ANK1: variants seen among roughly 807,000 people sequenced by gnomAD.
ANK1 encodes ankyrin-1.
A neutral mutation model predicts 210.4 loss-of-function variants in ANK1; 51 were observed. The observed-to-expected ratio is 0.24, with a 90% CI of 0.19 to 0.31. The LOEUF is 0.31. Among genes scored for constraint, ANK1 ranks in the 10% least tolerant of loss-of-function variants. The pLI is 1.00. For synonymous variants in ANK1, 967 were observed against 1,025.9 expected (o/e 0.94, Z 1.10); for missense variants, 2,051 against 2,504.4 (o/e 0.82, Z 3.86).
At chr8:41,850,336 C>A (rs1811005180) in intron 1 of ANK1, among the ~76,000 whole-genome samples, 1 of 151,362 alleles carries the variant, frequency 6.6e-6, no homozygotes, top group South Asian at 2.1e-4. Flanking sequence ...TGACATTTTT[C>A]ATAATAAAAA....
At chr8:41,728,829 AGACAGCGC>A (rs1477324983) in intron 3 of ANK1, among the ~76,000 whole-genome samples, 1 of 152,270 alleles carries the variant, frequency 6.6e-6, no homozygotes, top group African/African-American at 2.4e-5. Flanking sequence ...TGTCCCCAGC[AGACAGCGC>A]GTTGGCGTCC....
intron 1 of ANK1, among the ~76,000 whole-genome samples, chr8:41,890,948 A>G (rs1819324868): frequency 6.6e-6 from 1 of 152,228 alleles, no homozygotes; most frequent in South Asian, 2.1e-4. Flanking sequence ...TTATGTACAA[A>G]GGCTCAAGTG....
intron 2 of ANK1, among the ~76,000 whole-genome samples, chr8:41,751,163 G>GA (rs1433557279): frequency 2.6e-5 from 4 of 152,176 alleles, no homozygotes; most frequent in African/African-American, 9.7e-5. Flanking sequence ...GTCTCCATGA[G>GA]AAAAAATTTT....
chr8:41,836,105 T>A (rs926983272), intron 1 of ANK1, among the ~76,000 whole-genome samples: 42 of 152,212 alleles, frequency 2.8e-4, no homozygotes, highest in Non-Finnish European at 1.5e-4. Flanking sequence ...ACGACACAGC[T>A]GTCAGAGGCC....
intron 1 of ANK1, among the ~76,000 whole-genome samples, chr8:41,843,132 G>A (rs954613380): frequency 6.6e-5 from 10 of 152,190 alleles, no homozygotes; most frequent in African/African-American, 1.7e-4. Flanking sequence ...ACAGGCATGA[G>A]CCACCGCGCC....
chr8:41,664,824 C>A, intron 39 of ANK1: 1 of 1,610,098 alleles, frequency 6.2e-7, no homozygotes, highest in Non-Finnish European at 8.5e-7. Flanking sequence ...GACCCGCCGC[C>A]GGACCACCCT....
At chr8:41,819,445 C>T (rs1360157368) in intron 1 of ANK1, among the ~76,000 whole-genome samples, 3 of 152,180 alleles carry the variant, frequency 2.0e-5, no homozygotes, top group South Asian at 4.1e-4. Context: ...CACAGACAGA[C>T]GAAGAAAGCT....
intron 37 of ANK1, among the ~76,000 whole-genome samples, chr8:41,681,797 C>T (rs1816149216): frequency 6.6e-6 from 1 of 151,474 alleles, no homozygotes; most frequent in Non-Finnish European, 1.5e-5. Flanking sequence ...CAAGGGCACC[C>T]AGATGAGGGC....
chr8:41,838,805 G>A (rs1318854807), intron 1 of ANK1, among the ~76,000 whole-genome samples: 3 of 94,972 alleles, frequency 3.2e-5, no homozygotes, highest in Non-Finnish European at 6.3e-5. Context: ...GGCCGGGCGC[G>A]GTGGCTCATG....
intron 1 of ANK1, among the ~76,000 whole-genome samples, chr8:41,759,776 G>A (rs892329497): frequency 2.0e-5 from 3 of 152,056 alleles, no homozygotes; most frequent in African/African-American, 7.2e-5. Context: ...ACATGCACAC[G>A]CACAGATAAG....
chr8:41,668,570 G>T lies in ANK1; in HGVS notation c.5097-6C>A, dbSNP rs1811272928. The stretch of plus-strand genomic sequence containing the variant: ...CTGCATCCCAGTCCTGCAGTCTGGG[G>T]TCCAGAAGAAGCAGCAGATGGCCGG... On this transcript the variant is annotated splice_region_variant and splice_polypyrimidine_tract_variant and intron_variant, in intron 38 of 42. Coordinates refer to ENST00000289734, the MANE Select transcript of ANK1 (RefSeq NM_000037.4). 3.1e-6 allele frequency: 5 copies of T among 1,609,178 alleles called. No homozygotes were observed. The highest frequency in any genetic ancestry group is 1.1e-5 in the South Asian group (1 of 90,948).
At chr8:41,892,773 G>A (rs911335781) in intron 1 of ANK1, among the ~76,000 whole-genome samples, 1 of 152,170 alleles carries the variant, frequency 6.6e-6, no homozygotes, top group African/African-American at 2.4e-5. Flanking sequence ...TGGGCAAGCA[G>A]AGATTAATAT....
intron 26 of ANK1, 119 bp downstream of exon 26, chr8:41,696,244 G>T: frequency 8.5e-7 from 1 of 1,172,272 alleles, no homozygotes; most frequent in South Asian, 1.3e-5. Context: ...CGTGTGTCAG[G>T]AAAAGTCAGG....
intron 22 of ANK1, among the ~76,000 whole-genome samples, chr8:41,700,701 G>C (rs950341536): frequency 6.6e-6 from 1 of 152,176 alleles, no homozygotes; most frequent in African/African-American, 2.4e-5. Context: ...AATAAGGTTT[G>C]CTGGGGGTAG....
intron 2 of ANK1, among the ~76,000 whole-genome samples, chr8:41,748,640 C>A (rs1468930825): frequency 1.3e-5 from 2 of 152,242 alleles, no homozygotes; most frequent in South Asian, 4.1e-4. Flanking sequence ...CATTAGCAAG[C>A]CAGCCACTAC....
chr8:41,774,272 C>T (rs974952562), intron 1 of ANK1, among the ~76,000 whole-genome samples: 3 of 152,218 alleles, frequency 2.0e-5, no homozygotes, highest in Non-Finnish European at 4.4e-5. Context: ...TCCCACCAGT[C>T]ATGCTGAAAA....
intron 26 of ANK1, 74 bp downstream of exon 26, chr8:41,696,289 C>G: frequency 6.5e-7 from 1 of 1,535,616 alleles, no homozygotes; most frequent in Non-Finnish European, 9.0e-7. Context: ...GTTTCCCCAT[C>G]AGGACAGATG....
chr8:41,668,244 C>T (rs756450752), intron 39 of ANK1, 23 bp downstream of exon 39: 11 of 1,613,954 alleles, frequency 6.8e-6, no homozygotes, highest in South Asian at 3.3e-5. Flanking sequence ...AACAGCAGCA[C>T]GCAGCTCCCC....
intron 1 of ANK1, among the ~76,000 whole-genome samples, chr8:41,888,403 T>C (rs1818825257): frequency 6.6e-6 from 1 of 152,148 alleles, no homozygotes. Context: ...CCCGACTTCT[T>C]AGGGGCAGGC....
Sources: allele counts gnomAD v4.1 joint callset (sites outside exome capture counted in the v4.1 genomes callset), GRCh38; gene constraint gnomAD v4.1.1; transcripts MANE v1.5; gene names NCBI Gene and HGNC (gene_info 2026-07-23, HGNC 2026-07-21).